Variants in MEF2D observed in about 807,000 individuals in gnomAD.
MEF2D encodes the protein myocyte-specific enhancer factor 2D.
A neutral mutation model predicts 59.3 loss-of-function variants in MEF2D; 10 were observed. The ratio of observed to expected loss-of-function variants is 0.17; its 90% CI spans 0.10 to 0.29. The LOEUF is 0.29. Ranked by LOEUF, MEF2D falls within the 10% of genes least tolerant of loss-of-function variation. MEF2D has a pLI of 1.00. For synonymous variants in MEF2D, 305 were observed against 295.0 expected (o/e 1.03, Z -0.35); for missense variants, 508 against 699.4 (o/e 0.73, Z 3.09).
chr1:156,487,423 GC>G (rs1353926359), intron 1 of MEF2D, among the ~76,000 whole-genome samples: 1 of 152,224 alleles, frequency 6.6e-6, no homozygotes, highest in Non-Finnish European at 1.5e-5. Flanking sequence ...AGGAGGAGAT[GC>G]CCCTGTCTTA....
At chr1:156,482,325 C>A (rs996892517) in intron 3 of MEF2D, 112 bp downstream of exon 3, 5 of 1,095,864 alleles carry the variant, frequency 4.6e-6, no homozygotes, top group Non-Finnish European at 6.8e-6. Flanking sequence ...CTACAAGGGG[C>A]ATGTATACCA....
chr1:156,480,763 C>T, intron 4 of MEF2D, 71 bp downstream of exon 4: 1 of 1,608,862 alleles, frequency 6.2e-7, no homozygotes. Flanking sequence ...ATTCCCTGTG[C>T]TTCTTGTGCA....
chr1:156,485,368 A>G (rs1672285583), intron 1 of MEF2D, among the ~76,000 whole-genome samples: 1 of 152,086 alleles, frequency 6.6e-6, no homozygotes, highest in Admixed American at 6.5e-5. Flanking sequence ...CAAGGAATCT[A>G]TCAATTTGGG....
At chr1:156,473,050 G>A (rs1385492286) in intron 9 of MEF2D, among the ~76,000 whole-genome samples, 3 of 144,672 alleles carry the variant, frequency 2.1e-5, no homozygotes, top group Admixed American at 7.0e-5. Flanking sequence ...AGGGAGTCTC[G>A]CTCTGTCACC....
chr1:156,484,238 A>G (rs1469528988), intron 1 of MEF2D: 1 of 152,238 alleles, frequency 6.6e-6, no homozygotes, highest in Non-Finnish European at 1.5e-5. Flanking sequence ...TTGAGGAAAG[A>G]GTTGTGCTGC....
At chr1:156,497,362 T>C (rs1290849164) in intron 1 of MEF2D, among the ~76,000 whole-genome samples, 1 of 152,184 alleles carries the variant, frequency 6.6e-6, no homozygotes, top group African/African-American at 2.4e-5. Context: ...AAAAAAGAGA[T>C]AGTTGCCTCA....
chr1:156,480,783 G>A, intron 4 of MEF2D, 51 bp downstream of exon 4: 1 of 1,603,904 alleles, frequency 6.2e-7, no homozygotes, highest in Non-Finnish European at 8.5e-7. Flanking sequence ...AGCGCCTGGG[G>A]GGAAGGGGCC....
At chr1:156,489,117 A>G (rs752255458) in intron 1 of MEF2D, among the ~76,000 whole-genome samples, 7 of 152,156 alleles carry the variant, frequency 4.6e-5, no homozygotes, top group Non-Finnish European at 8.8e-5. Context: ...GCTCTTCCTC[A>G]TGGTGAGAAA....
At position 156,466,721 on chromosome 1, in the gene MEF2D, T is replaced by A. The variant is rs1349218668; in HGVS notation, c.*924A>T. ...CACCTCACTGAAGACCCTCTCCCCA[T>A]TCTCCCTGCACACTGTGGCCAGCTT... On this transcript the variant is annotated 3_prime_UTR_variant, in exon 12 of 12. Coordinates refer to ENST00000348159, the MANE Select transcript of MEF2D (RefSeq NM_005920.4). 3 of 152,848 alleles carry A rather than the reference T, an allele frequency of 2.0e-5. No individual in the cohort carries two copies. The highest frequency in any genetic ancestry group is 4.4e-5 in the Non-Finnish European group (3 of 68,224). The allele number at this position is 152,848 out of a possible 1,614,324, so 9.5% of individuals were successfully genotyped here.
At chr1:156,493,761 C>T (rs552268633) in intron 1 of MEF2D, among the ~76,000 whole-genome samples, 282 of 152,264 alleles carry the variant, frequency 1.9e-3, no homozygotes, top group Admixed American at 3.8e-3. Flanking sequence ...AGTTATCCTT[C>T]CTCTGAGGGG....
chr1:156,475,145 G>A lies in MEF2D; in HGVS notation c.969C>T (p.Gly323=). Reference sequence around the variant, plus strand: ...CAGTGGGCATGGAAGAGAAGGGGAGGCCCTGGCTGAGTAAACTCGGCGTTG... The same window carrying A: ...CAGTGGGCATGGAAGAGAAGGGGAGACCCTGGCTGAGTAAACTCGGCGTTG... ...SVATPSLLSQ[G]LPFSSMPTAY... Residue 323 remains glycine (G), a synonymous_variant, in exon 9 of 12, where the codon GGC becomes GGT. Transcript: ENST00000348159. 6.2e-7 allele frequency: 1 copy of A among 1,614,220 alleles called. No individual in the cohort carries two copies.
At chr1:156,485,075 T>G (rs1443578828) in intron 1 of MEF2D, among the ~76,000 whole-genome samples, 2 of 151,796 alleles carry the variant, frequency 1.3e-5, no homozygotes, top group East Asian at 1.9e-4. Context: ...CCTCCAGAGC[T>G]CCCCTTCCAT....
intron 3 of MEF2D, among the ~76,000 whole-genome samples, chr1:156,481,912 G>A (rs533928481): frequency 5.3e-5 from 8 of 152,336 alleles, no homozygotes; most frequent in Middle Eastern, 3.4e-3. Flanking sequence ...CCATGTGGCC[G>A]GTAAAGGTCA....
chr1:156,482,041 G>C (rs923125858), intron 3 of MEF2D, among the ~76,000 whole-genome samples: 18 of 152,250 alleles, frequency 1.2e-4, no homozygotes, highest in African/African-American at 4.3e-4. Context: ...TGGAAACAAA[G>C]AGGGAGATTT....
intron 1 of MEF2D, among the ~76,000 whole-genome samples, chr1:156,494,949 C>A (rs967759902): frequency 6.6e-6 from 1 of 152,166 alleles, no homozygotes; most frequent in Non-Finnish European, 1.5e-5. Flanking sequence ...CTGGGAGGCT[C>A]ACATTGGCCT....
intron 9 of MEF2D, among the ~76,000 whole-genome samples, chr1:156,470,519 C>A (rs1156824629): frequency 6.6e-6 from 1 of 152,134 alleles, no homozygotes; most frequent in South Asian, 2.1e-4. Flanking sequence ...CCTCAATCAT[C>A]CCAATACCCC....
Position 156,479,785 on chromosome 1 carries a change from C to T in MEF2D, c.408G>A (p.Pro136=), listed in dbSNP as rs1054752941. The change falls in exon 5 of 12, where the codon CCG becomes CCA. Residue 136 remains proline, a synonymous_variant. Transcript: ENST00000348159. ...GLFRRYGSTV[P]APNFAMPVTV... is the part of the protein sequence containing the mutation. ...TGACAGGCATGGCAAAGTTGGGGGC[C>T]GGGACAGTTGACTAGACAGAAAGAT... 1.2e-5 allele frequency: 19 copies of T among 1,551,424 alleles called. No homozygotes were observed. The highest frequency in any genetic ancestry group is 1.7e-4 in the Middle Eastern group (1 of 6,010).
chr1:156,478,828 C>T (rs1175803543), intron 6 of MEF2D, among the ~76,000 whole-genome samples: 2 of 152,190 alleles, frequency 1.3e-5, no homozygotes, highest in Non-Finnish European at 2.9e-5. Flanking sequence ...CCATGCCCGG[C>T]CTCTTCTGTG....
intron 1 of MEF2D, among the ~76,000 whole-genome samples, chr1:156,497,669 A>T (rs1673210073): frequency 6.6e-6 from 1 of 152,150 alleles, no homozygotes. Flanking sequence ...GAACTAGGGA[A>T]ATGTTGGGCC....
Sources: gnomAD v4.1 joint callset for allele counts (sites outside exome capture counted in the v4.1 genomes callset) on GRCh38, gnomAD v4.1.1 for gene constraint, MANE v1.5 for transcripts, NCBI Gene and HGNC (gene_info 2026-07-23, HGNC 2026-07-21) for gene names.